Variants in B4GALT1 observed in about 807,000 individuals in gnomAD.
B4GALT1 encodes the protein N-acetyllactosamine synthase.
B4GALT1 carries 16 observed loss-of-function variants against 34.9 expected under a neutral mutation model. The observed-to-expected ratio is 0.46, with a 90% CI of 0.31 to 0.70. The LOEUF (loss-of-function observed/expected upper bound fraction) is 0.70, where lower values mean the gene tolerates loss of function less well. B4GALT1 is among the 30% of genes least tolerant of loss of function. The pLI is 0.05. For missense variants in B4GALT1, 445 were observed against 530.5 expected (o/e 0.84, Z 1.58); for synonymous variants, 221 against 218.1 (o/e 1.01, Z -0.12).
At position 33,157,840 on chromosome 9, in the gene B4GALT1, G is replaced by A. The variant is rs372826191; in HGVS notation, c.412+8918C>T. Among the ~76,000 whole-genome samples, 17 of 152,154 alleles carry A rather than the reference G, an allele frequency of 1.1e-4. No individual in the cohort carries two copies. In the East Asian group the frequency reaches 1.9e-3, roughly 17 times the overall value. ...GTTAGGCACTGTTTTAAGCCCTTTC[G>A]TGGCTACTACCTGTATTTCATAACA... On this transcript the variant is annotated intron_variant, in intron 1 of 5. Transcript: ENST00000379731.
chr9:33,161,242 A>G (rs1056778914), intron 1 of B4GALT1, among the ~76,000 whole-genome samples: 2 of 152,162 alleles, frequency 1.3e-5, no homozygotes, highest in African/African-American at 4.8e-5. Context: ...AACCTGAAGC[A>G]CTGAGTGTGT....
At chr9:33,119,426 T>A (rs770708269) in intron 3 of B4GALT1, among the ~76,000 whole-genome samples, 1 of 152,160 alleles carries the variant, frequency 6.6e-6, no homozygotes, top group Non-Finnish European at 1.5e-5. Context: ...TTCCTTCTTA[T>A]AGGGCCAAGG....
chr9:33,179,543 A>G, the B4GALT1 span: 1 of 152,276 alleles, frequency 6.6e-6, no homozygotes, highest in East Asian at 1.9e-4. Context: ...ACCAACTATT[A>G]AGCCTTCTTA....
intron 3 of B4GALT1, among the ~76,000 whole-genome samples, chr9:33,116,852 G>T (rs906151323): frequency 6.6e-6 from 1 of 151,268 alleles, no homozygotes; most frequent in African/African-American, 2.4e-5. Context: ...GGTGGGTGGG[G>T]TGGGAGGGAG....
At chr9:33,181,498 C>T in the B4GALT1 span, among the ~76,000 whole-genome samples, 2 of 150,986 alleles carry the variant, frequency 1.3e-5, no homozygotes, top group Admixed American at 6.6e-5. Flanking sequence ...GCAGAATCAA[C>T]GTCTTCCTGT....
intron 2 of B4GALT1, among the ~76,000 whole-genome samples, chr9:33,124,985 A>G (rs1840070341): frequency 6.6e-6 from 1 of 152,194 alleles, no homozygotes. Context: ...CCTTTCAAAG[A>G]CGCAGCTTTT....
At chr9:33,139,249 A>G (rs1254468249) in intron 1 of B4GALT1, among the ~76,000 whole-genome samples, 1 of 152,144 alleles carries the variant, frequency 6.6e-6, no homozygotes, top group Non-Finnish European at 1.5e-5. Context: ...TTCCCTGCTG[A>G]GCGTGTGGCA....
Position 33,113,839 on chromosome 9 carries a change from A to G in B4GALT1, c.999T>C (p.Ala333=), listed in dbSNP as rs1464453381. The G allele has an allele frequency of 1.2e-6, 2 of 1,614,214 alleles. No individual in the cohort carries two copies. The highest frequency in any genetic ancestry group is 8.5e-7 in the Non-Finnish European group (1 of 1,180,036). Reference sequence around the variant, plus strand: ...GGATCATGCGACACCTCCCGACCACAGCATTTGGGCGAGATATAGACATGC... The same window carrying G: ...GGATCATGCGACACCTCCCGACCACGGCATTTGGGCGAGATATAGACATGC... ...FRGMSISRPN[A]VVGRCRMIRH... The change falls in exon 5 of 6, where the codon GCT becomes GCC. Residue 333 remains alanine (A), a synonymous_variant. Coordinates refer to ENST00000379731, the MANE Select transcript of B4GALT1 (RefSeq NM_001497.4).
downstream of B4GALT1, among the ~76,000 whole-genome samples, chr9:33,105,701 C>T (rs943660656): frequency 1.3e-5 from 2 of 152,052 alleles, no homozygotes; most frequent in African/African-American, 2.4e-5. Context: ...TTAGCTGACT[C>T]GTCTAAGTGC....
At chr9:33,147,655 G>A (rs1224218174) in intron 1 of B4GALT1, among the ~76,000 whole-genome samples, 2 of 152,116 alleles carry the variant, frequency 1.3e-5, no homozygotes, top group East Asian at 1.9e-4. Flanking sequence ...CCTAACATAT[G>A]GAAGAACAAA....
At chr9:33,114,970 A>G (rs1016745182) in intron 4 of B4GALT1, among the ~76,000 whole-genome samples, 2 of 152,132 alleles carry the variant, frequency 1.3e-5, no homozygotes, top group African/African-American at 4.8e-5. Flanking sequence ...GCACACTGTC[A>G]TATCAGTCCA....
chr9:33,131,700 G>C (rs907858790), intron 2 of B4GALT1, among the ~76,000 whole-genome samples: 1 of 152,188 alleles, frequency 6.6e-6, no homozygotes, highest in African/African-American at 2.4e-5. Flanking sequence ...CAGCCCATAA[G>C]GTTTATTTGC....
chr9:33,110,497 A>T (rs1839840991), downstream of B4GALT1: 1 of 152,216 alleles, frequency 6.6e-6, no homozygotes, highest in Non-Finnish European at 1.5e-5. Context: ...TTTACAGATA[A>T]GAGAATGAAG....
At chr9:33,164,863 T>C (rs1840724589) in intron 1 of B4GALT1, among the ~76,000 whole-genome samples, 1 of 152,146 alleles carries the variant, frequency 6.6e-6, no homozygotes, top group Admixed American at 6.5e-5. Context: ...CCCTTCACTC[T>C]GCTGTGCAGA....
At chr9:33,108,708 G>A (rs1839822185), downstream of B4GALT1, 1 of 152,114 alleles carries the variant, frequency 6.6e-6, no homozygotes, top group Non-Finnish European at 1.5e-5. Flanking sequence ...GTGAAGTGGA[G>A]CACATCAGTG....
rs1229138791 is a variant in B4GALT1 at position 33,120,582 on chromosome 9, C to T, written c.673G>A (p.Ala225Thr). The T allele has an allele frequency of 1.2e-6, 2 of 1,614,196 alleles. No homozygotes were observed. Among genetic ancestry groups the T allele is most frequent in the Non-Finnish European group, 1.7e-6 (2 of 1,180,040 alleles). ...NQAGDTIFNR[A>T]KLLNVGFQEA... ...TGAAAGCCAACATTGAGGAGCTTAGCACGATTGAATATAGTGTCTCCCGCC... is the reference window on the plus strand; with the variant it reads ...TGAAAGCCAACATTGAGGAGCTTAGTACGATTGAATATAGTGTCTCCCGCC... Residue 225 changes from alanine to threonine, a missense_variant, in exon 3 of 6, where the codon GCT (alanine) becomes ACT (threonine). By Grantham distance (58) the Ala-to-Thr change is moderately conservative. Transcript: ENST00000379731.
At position 33,113,510 on chromosome 9, in the gene B4GALT1, C is replaced by T. The variant is rs770407601; in HGVS notation, c.1141G>A (p.Val381Ile). 68 of 1,614,154 alleles carry T rather than the reference C, an allele frequency of 4.2e-5. No homozygotes were observed. The highest frequency in any genetic ancestry group is 5.6e-5 in the Non-Finnish European group (66 of 1,180,062). Residue 381 changes from valine (V) to isoleucine (I), a missense_variant, in exon 6 of 6, where the codon GTA becomes ATA. Val to Ile is a conservative substitution (Grantham distance 29). Coordinates refer to ENST00000379731, the MANE Select transcript of B4GALT1 (RefSeq NM_001497.4). ...TGGGTATACAATGGGTATCTCTGTACATCCAGCACCTGGTAGGTGAGTGAG... is the reference window on the plus strand; with the variant it reads ...TGGGTATACAATGGGTATCTCTGTATATCCAGCACCTGGTAGGTGAGTGAG... ...LNSLTYQVLD[V>I]QRYPLYTQIT...
intron 1 of B4GALT1, among the ~76,000 whole-genome samples, chr9:33,152,283 G>A (rs528932960): frequency 2.6e-5 from 4 of 151,612 alleles, no homozygotes; most frequent in South Asian, 4.2e-4. Context: ...CAGCCTGGGC[G>A]ACAGAGCAAG....
rs1454780879 is a variant in B4GALT1, at chr9:33,120,484, A to G, written c.771T>C (p.His257=). Residue 257 remains histidine (H), a synonymous_variant, in exon 3 of 6, where the codon CAT becomes CAC. Transcript: ENST00000379731. ...SDVDLIPMND[H]NAYRCFSQPR... ...GCTGTGAAAAACACCTGTACGCATTATGGTCATTCATTGGAATGAGGTCCA... is the reference window on the plus strand; with the variant it reads ...GCTGTGAAAAACACCTGTACGCATTGTGGTCATTCATTGGAATGAGGTCCA... 5 of 1,614,156 alleles carry G rather than the reference A, an allele frequency of 3.1e-6. No homozygotes were observed. The highest frequency in any genetic ancestry group is 1.3e-5 in the African/African-American group (1 of 75,054).
Sources: allele counts gnomAD v4.1 joint callset (sites outside exome capture counted in the v4.1 genomes callset), GRCh38; gene constraint gnomAD v4.1.1; transcripts MANE v1.5; gene names NCBI Gene and HGNC (gene_info 2026-07-23, HGNC 2026-07-21).